The following SIK3 variants were observed in gnomAD, a reference collection of about 807,000 sequenced individuals.
SIK3 encodes serine/threonine-protein kinase SIK3.
SIK3 carries 28 observed loss-of-function variants against 144.2 expected under a neutral mutation model. That is an observed-to-expected ratio of 0.19 (90% CI 0.14 to 0.27). The LOEUF is 0.27. SIK3 is among the 10% of genes least tolerant of loss of function. SIK3 has a pLI of 1.00. For missense variants in SIK3, 1,319 were observed against 1,776.0 expected, an observed-to-expected ratio of 0.74 and a Z score of 4.62; for synonymous variants, 686 against 676.3, an observed-to-expected ratio of 1.01 and a Z score of -0.22.
chr11:116,867,739 A>G lies in SIK3; in HGVS notation c.1952+207T>C. 1 of 433,796 alleles carries G rather than the reference A, an allele frequency of 2.3e-6. No individual in the cohort carries two copies. 26.9% of individuals were successfully genotyped at this position (433,796 alleles called of 1,614,324 possible). A position where few individuals can be genotyped will look rare whatever the true frequency, so the allele number is the denominator to read the frequency against. ...AAACAGGTCTGCAAGGTAATGGGAG[A>G]GAGGAATCTCGCATTGCTCCAGGGC... is the stretch of plus-strand genomic sequence containing the variant. On this transcript the variant is annotated intron_variant, in intron 15 of 24. Coordinates refer to ENST00000445177, the MANE Select transcript of SIK3 (RefSeq NM_001366686.3). The surrounding 1 kb of genome is among the most constrained non-coding windows in gnomAD (Gnocchi z 4.1).
At chr11:116,982,543 T>C (rs1343661122) in intron 1 of SIK3, among the ~76,000 whole-genome samples, 1 of 152,070 alleles carries the variant, frequency 6.6e-6, no homozygotes, top group African/African-American at 2.4e-5. Flanking sequence ...CCACCTCGGC[T>C]TCCCAAAGTG....
chr11:117,074,527 A>G (rs1013504681), intron 1 of SIK3, among the ~76,000 whole-genome samples: 3 of 152,232 alleles, frequency 2.0e-5, no homozygotes, highest in Admixed American at 6.5e-5. Context: ...TATTATTATT[A>G]TAAGTATAGC....
Position 116,935,735 on chromosome 11 carries a change from G to A in SIK3, c.455-8355C>T, listed in dbSNP as rs552568093. The stretch of plus-strand genomic sequence containing the variant: ...AACCTGCATGCTCCAAGTCAACAGA[G>A]GTACCTTTCGATTTGTTAAAATATT... On this transcript the variant is annotated intron_variant, in intron 3 of 24. Transcript: ENST00000445177. Among the ~76,000 whole-genome samples the A allele has an allele frequency of 9.8e-4, 149 of 152,258 alleles. 1 individual carries two copies. Among genetic ancestry groups the A allele is most frequent in the Non-Finnish European group, 1.7e-3 (116 of 68,016 alleles).
chr11:117,006,661 G>A (rs925540590), intron 1 of SIK3, among the ~76,000 whole-genome samples: 5 of 151,406 alleles, frequency 3.3e-5, no homozygotes, highest in South Asian at 4.2e-4. Context: ...AAGAAAGAAA[G>A]AAAAAAAAGA....
In SIK3 at chr11:116,961,014, C is replaced by T. The variant is rs1256470640; in HGVS notation, c.274-3950G>A. ...GTGGGCAGCATTCAGAACCAACTGGCTGCCGCCAGCTGATGTGGGAAGAAC... is the reference window on the plus strand; with the variant it reads ...GTGGGCAGCATTCAGAACCAACTGGTTGCCGCCAGCTGATGTGGGAAGAAC... On this transcript the variant is annotated intron_variant, in intron 1 of 24. Coordinates refer to ENST00000445177, the MANE Select transcript of SIK3 (RefSeq NM_001366686.3). Among the ~76,000 whole-genome samples, 5 of 152,194 alleles carry T rather than the reference C, an allele frequency of 3.3e-5. No individual in the cohort carries two copies. In the East Asian group the frequency reaches 9.6e-4, roughly 29 times the overall value.
At chr11:117,050,484 G>A (rs796573218) in intron 1 of SIK3, among the ~76,000 whole-genome samples, 3 of 152,022 alleles carry the variant, frequency 2.0e-5, no homozygotes, top group Admixed American at 6.6e-5. Context: ...TCAGGAGTTC[G>A]AGACCAGCCT....
chr11:117,016,387 G>A (rs1488772266), intron 1 of SIK3, among the ~76,000 whole-genome samples: 3 of 119,322 alleles, frequency 2.5e-5, no homozygotes, highest in African/African-American at 6.9e-5. Flanking sequence ...AGGGAGAGAG[G>A]GAGGGAGGGA....
chr11:116,934,806 G>A (rs1458903762), intron 3 of SIK3, among the ~76,000 whole-genome samples: 1 of 152,044 alleles, frequency 6.6e-6, no homozygotes, highest in Non-Finnish European at 1.5e-5. Context: ...TAGGCCGGGC[G>A]CGGTGGCTCA....
intron 1 of SIK3, among the ~76,000 whole-genome samples, chr11:117,054,150 A>G (rs543888957): frequency 6.6e-6 from 1 of 152,324 alleles, no homozygotes; most frequent in South Asian, 2.1e-4. Context: ...CGTAGAAGAT[A>G]TATTTGAGAC....
chr11:117,045,448 G>T (rs1952920892), intron 1 of SIK3, among the ~76,000 whole-genome samples: 1 of 152,142 alleles, frequency 6.6e-6, no homozygotes, highest in Non-Finnish European at 1.5e-5. Flanking sequence ...AGAGTGAACG[G>T]TAATTGCTCC....
In SIK3 at chr11:116,847,546, C is replaced by T; in HGVS notation, c.3882G>A (p.Arg1294=). ...LVAGKALSSA[R]MSDAVLSQSS... ...ACTGACTGAGAACTGCATCCGACAT[C>T]CGGGCAGAGCTAAGTGCTTTCCCAG... Residue 1294 remains arginine (R), a synonymous_variant, in exon 23 of 25, where the codon CGG becomes CGA. Coordinates refer to ENST00000445177, the MANE Select transcript of SIK3 (RefSeq NM_001366686.3). The T allele has an allele frequency of 6.2e-7, 1 of 1,614,190 alleles. No individual in the cohort carries two copies.
At position 116,942,563 on chromosome 11, in the gene SIK3, A is replaced by C. The variant is rs567672917; in HGVS notation, c.454+11481T>G. On this transcript the variant is annotated intron_variant, in intron 3 of 24. Coordinates refer to ENST00000445177, the MANE Select transcript of SIK3 (RefSeq NM_001366686.3). ...TACAGAGCAATGGGCCAGTAGGAAG[A>C]ATGAGATTTTAGACAGCATGGTGAG... Among the ~76,000 whole-genome samples the C allele has an allele frequency of 3.3e-5, 5 of 152,346 alleles. No individual in the cohort carries two copies. In the South Asian group the frequency reaches 1.0e-3, roughly 32 times the overall value.
chr11:116,930,218 C>G (rs1240298355), intron 3 of SIK3, among the ~76,000 whole-genome samples: 1 of 152,066 alleles, frequency 6.6e-6, no homozygotes, highest in Non-Finnish European at 1.5e-5. Flanking sequence ...GCATTCAGAC[C>G]TCAGCCTCTG....
intron 23 of SIK3, 85 bp downstream of exon 23, chr11:116,847,388 TTCC>T (rs1942058328): frequency 6.4e-7 from 1 of 1,572,256 alleles, no homozygotes; most frequent in Non-Finnish European, 8.7e-7. Flanking sequence ...CCATGAGCTC[TTCC>T]TACGAAGAGA....
chr11:116,896,993 C>T (rs1591261193), intron 5 of SIK3, among the ~76,000 whole-genome samples, 200 bp downstream of exon 5: 1 of 147,726 alleles, frequency 6.8e-6, no homozygotes, highest in Non-Finnish European at 1.5e-5. Flanking sequence ...TCCTGCTGCT[C>T]TCCAGCCTGG....
intron 1 of SIK3, among the ~76,000 whole-genome samples, chr11:116,959,932 G>A (rs1190661107): frequency 6.6e-6 from 1 of 152,144 alleles, no homozygotes; most frequent in Non-Finnish European, 1.5e-5. Context: ...GATTTGAAAT[G>A]TCACCAACAG....
intron 21 of SIK3, among the ~76,000 whole-genome samples, chr11:116,852,568 T>G (rs762459575): frequency 2.6e-5 from 4 of 152,246 alleles, no homozygotes; most frequent in African/African-American, 4.8e-5. Context: ...ACAACTGGAC[T>G]GACTCCATGG....
chr11:116,862,422 G>A, intron 16 of SIK3, 95 bp from the exon 17 acceptor site: 2 of 1,523,810 alleles, frequency 1.3e-6, no homozygotes, highest in Non-Finnish European at 1.8e-6. Context: ...GCTCTCATGG[G>A]CAGAAAGAGC....
chr11:117,061,188 G>T (rs1591632957), intron 1 of SIK3, among the ~76,000 whole-genome samples: 2 of 152,042 alleles, frequency 1.3e-5, no homozygotes, highest in East Asian at 3.9e-4. Flanking sequence ...TCAGGGCTGT[G>T]GTAAGCTGCG....
Sources: gnomAD v4.1 joint callset for allele counts (sites outside exome capture counted in the v4.1 genomes callset) on GRCh38, gnomAD v4.1.1 for gene constraint, Gnocchi (gnomAD v3.1) non-coding constraint, MANE v1.5 for transcripts, NCBI Gene and HGNC (gene_info 2026-07-23, HGNC 2026-07-21) for gene names.